Variants in DEPDC1B observed in about 807,000 individuals in gnomAD.
DEPDC1B encodes the protein DEP domain containing 1B.
Under a neutral mutation model 66.5 loss-of-function variants are expected in DEPDC1B, and 51 were observed. The ratio of observed to expected loss-of-function variants is 0.77; its 90% confidence interval spans 0.61 to 0.97. The LOEUF is 0.97. Among genes scored for constraint, DEPDC1B ranks in the 50% least tolerant of loss-of-function variants. DEPDC1B has a pLI of 0.00. For missense variants in DEPDC1B, 552 were observed against 637.1 expected, an observed-to-expected ratio of 0.87 and a Z score of 1.44; for synonymous variants, 226 against 223.6, an observed-to-expected ratio of 1.01 and a Z score of -0.10.
rs1752955597 is a variant in DEPDC1B, at chr5:60,632,822, T to C, written c.898+5928A>G. ...AATGCAGCATCCAGGTCTGGGATTT[T>C]AGGTGGCTGTGGTGGTGTTGGGGAC... On this transcript the variant is annotated intron_variant, in intron 7 of 10. Transcript: ENST00000265036. Among the ~76,000 whole-genome samples the C allele has an allele frequency of 2.6e-5, 4 of 152,188 alleles. 1 individual carries two copies. Among genetic ancestry groups the C allele is most frequent in the Admixed American group, 2.6e-4 (4 of 15,276 alleles).
In DEPDC1B at chr5:60,687,532, CT is replaced by C. The variant is rs1277770504; in HGVS notation, c.49-306del. ...ACCATAATTAAAACAAAAATAAAAA[CT>C]TTTTTTTTTTTGAGATAGAGTCTAG... On this transcript the variant is annotated intron_variant, in intron 1 of 10. Transcript: ENST00000265036. Among the ~76,000 whole-genome samples, 830 of 145,200 alleles carry C rather than the reference CT, an allele frequency of 5.7e-3. 8 individuals are homozygous for C. Among genetic ancestry groups the C allele is most frequent in the African/African-American group, 0.015 (587 of 39,906 alleles).
intron 2 of DEPDC1B, among the ~76,000 whole-genome samples, chr5:60,666,075 G>A (rs1584082323): frequency 1.3e-5 from 2 of 152,116 alleles, no homozygotes; most frequent in South Asian, 2.1e-4. Flanking sequence ...GCTTTCGCTC[G>A]CCGTCCACCA....
chr5:60,679,112 G>C (rs1414523544), intron 2 of DEPDC1B, among the ~76,000 whole-genome samples: 1 of 152,038 alleles, frequency 6.6e-6, no homozygotes, highest in Non-Finnish European at 1.5e-5. Flanking sequence ...CACATGCATG[G>C]ATGGATGCCC....
At chr5:60,670,586 G>A (rs898960653) in intron 2 of DEPDC1B, among the ~76,000 whole-genome samples, 5 of 152,138 alleles carry the variant, frequency 3.3e-5, no homozygotes. Context: ...CAAAGTTGGA[G>A]GACTCACATT....
intron 2 of DEPDC1B, among the ~76,000 whole-genome samples, chr5:60,669,881 A>C (rs1753988337): frequency 6.6e-6 from 1 of 152,170 alleles, no homozygotes; most frequent in African/African-American, 2.4e-5. Flanking sequence ...GCAACAGAAA[A>C]AAATCTATAA....
At chr5:60,638,946 A>G in intron 6 of DEPDC1B, 56 bp from the exon 7 acceptor site, 1 of 1,574,386 alleles carries the variant, frequency 6.4e-7, no homozygotes, top group Admixed American at 1.9e-5. Flanking sequence ...ACCTCTAAGT[A>G]TTATTCTCTG....
chr5:60,657,524 A>G (rs1753605911), intron 2 of DEPDC1B, among the ~76,000 whole-genome samples: 1 of 152,206 alleles, frequency 6.6e-6, no homozygotes, highest in Admixed American at 6.5e-5. Context: ...TGTCTTTAAA[A>G]GACTGTATCT....
intron 2 of DEPDC1B, chr5:60,647,791 G>A (rs1284942745): frequency 1.3e-5 from 3 of 226,962 alleles, no homozygotes; most frequent in Non-Finnish European, 2.5e-5. Context: ...GCATTACATT[G>A]CACTGCAAAA....
intron 7 of DEPDC1B, among the ~76,000 whole-genome samples, chr5:60,622,898 C>G (rs1196046959): frequency 1.3e-5 from 2 of 151,900 alleles, no homozygotes; most frequent in African/African-American, 4.8e-5. Flanking sequence ...TCTACATATC[C>G]TAGTTATAAG....
chr5:60,648,262 CA>C (rs1753367040), intron 2 of DEPDC1B: 1 of 152,100 alleles, frequency 6.6e-6, no homozygotes, highest in African/African-American at 2.4e-5. Context: ...CAACCTTTAT[CA>C]GCTTAGAGAC....
chr5:60,599,238 A>G lies in DEPDC1B; in HGVS notation c.1265T>C (p.Met422Thr), dbSNP rs1282969888. The G allele has an allele frequency of 2.5e-6, 4 of 1,604,624 alleles. No homozygotes were observed. Among genetic ancestry groups the G allele is most frequent in the East Asian group, 2.2e-5 (1 of 44,762 alleles). ...TGATGGAGCAGATAAAGTGATATCC[A>G]TATCAGCTCCTGGGTATTTTATCTG... ...RVQIKYPGAD[M>T]DITLSAPSFC... The change falls in exon 10 of 11, where the codon ATG becomes ACG. Residue 422 changes from methionine (M) to threonine (T), a missense_variant. Met to Thr is a moderately conservative substitution (Grantham distance 81, BLOSUM62 -1). Coordinates refer to ENST00000265036, the MANE Select transcript of DEPDC1B (RefSeq NM_018369.3).
chr5:60,600,249 C>T (rs2111699062), intron 9 of DEPDC1B, among the ~76,000 whole-genome samples: 1 of 152,104 alleles, frequency 6.6e-6, no homozygotes, highest in African/African-American at 2.4e-5. Context: ...AAGGTGCAGA[C>T]ATTGCAGAAG....
At chr5:60,689,011 T>A (rs1398590419) in intron 1 of DEPDC1B, 1 of 456,228 alleles carries the variant, frequency 2.2e-6, no homozygotes. Flanking sequence ...TCTTCAAGTA[T>A]AAGAAACACT....
chr5:60,680,313 C>A (rs1003050011), intron 2 of DEPDC1B, among the ~76,000 whole-genome samples: 1 of 152,128 alleles, frequency 6.6e-6, no homozygotes, highest in African/African-American at 2.4e-5. Context: ...TGTAACATCT[C>A]ATTATTATTA....
At chr5:60,676,249 T>TTAAGAGACAGGGTCTCAC (rs1754158389) in intron 2 of DEPDC1B, among the ~76,000 whole-genome samples, 1 of 151,810 alleles carries the variant, frequency 6.6e-6, no homozygotes, top group Admixed American at 6.6e-5. Context: ...TTTTTCTTCT[T>TTAAGAGACAGGGTCTCAC]TAAGAGACAG....
At chr5:60,691,195 A>G (rs955898153) in intron 1 of DEPDC1B, among the ~76,000 whole-genome samples, 5 of 152,068 alleles carry the variant, frequency 3.3e-5, no homozygotes, top group African/African-American at 1.2e-4. Flanking sequence ...CTGGGGTTAC[A>G]GGCATGCGCC....
chr5:60,667,911 A>ATG (rs1189482142), intron 2 of DEPDC1B, among the ~76,000 whole-genome samples: 21 of 86,300 alleles, frequency 2.4e-4, no homozygotes, highest in Admixed American at 1.1e-3. Flanking sequence ...TTTTATATAT[A>ATG]TAAAAAATGG....
chr5:60,602,095 TG>T (rs892230471), intron 9 of DEPDC1B, among the ~76,000 whole-genome samples: 36 of 139,356 alleles, frequency 2.6e-4, no homozygotes, highest in African/African-American at 9.9e-4. Context: ...GTTAACAGAA[TG>T]TAAGTGGCAG....
intron 2 of DEPDC1B, among the ~76,000 whole-genome samples, chr5:60,655,128 A>C (rs1233471453): frequency 6.7e-6 from 1 of 148,992 alleles, no homozygotes; most frequent in Non-Finnish European, 1.5e-5. Context: ...AAGGGCGATA[A>C]TGGCTTCATA....
Sources: gnomAD v4.1 joint callset for allele counts (sites outside exome capture counted in the v4.1 genomes callset) on GRCh38, gnomAD v4.1.1 for gene constraint, MANE v1.5 for transcripts, NCBI Gene and HGNC (gene_info 2026-07-23, HGNC 2026-07-21) for gene names.